The following TRPC5OS variants were observed in gnomAD, a reference collection of about 807,000 sequenced individuals.
The protein encoded by TRPC5OS is putative uncharacterized protein TRPC5OS.
For synonymous variants in TRPC5OS, 30 were observed against 29.3 expected (o/e 1.02, Z -0.08); for missense variants, 64 against 79.3 (o/e 0.81, Z 0.73).
At chrX:111,879,922 T>C (rs1156319762) in intron 1 of TRPC5OS, among the ~76,000 whole-genome samples, 2 of 112,043 alleles carry the variant, frequency 1.8e-5, no homozygotes, top group Non-Finnish European at 3.8e-5. Flanking sequence ...CTCTTCATTT[T>C]TTTTTTTCTC....
chrX:111,898,310 T>C (rs1427919446), intron 3 of TRPC5OS, among the ~76,000 whole-genome samples: 1 of 100,266 alleles, frequency 1.0e-5, no homozygotes, highest in Non-Finnish European at 2.0e-5. Flanking sequence ...CACACACACA[T>C]ATATCTGACA....
Position 111,902,198 on chromosome X carries a change from G to GC in TRPC5OS, c.*18dup. The GC allele has an allele frequency of 1.9e-6, 2 of 1,048,860 alleles. No homozygotes were observed. Among genetic ancestry groups the GC allele is most frequent in the Non-Finnish European group, 2.5e-6 (2 of 801,049 alleles). 86.4% of individuals were successfully genotyped at this position (1,048,860 alleles called of 1,213,427 possible). On this transcript the variant is annotated 3_prime_UTR_variant, in exon 4 of 4. Transcript: ENST00000635763. The stretch of plus-strand genomic sequence containing the variant: ...AACAGGTGACTAAGACCCAATTTCT[G>GC]CCCCCGTCCCCAGGGATGTGAAAAC...
At chrX:111,891,763 C>T (rs1603081683) in intron 1 of TRPC5OS, among the ~76,000 whole-genome samples, 1 of 110,927 alleles carries the variant, frequency 9.0e-6, no homozygotes, top group South Asian at 3.9e-4. Flanking sequence ...TGGCCAGGCT[C>T]GTCTTGAACT....
intron 1 of TRPC5OS, among the ~76,000 whole-genome samples, chrX:111,895,003 T>C (rs185117124): frequency 1.5e-3 from 162 of 111,493 alleles, no homozygotes; most frequent in Middle Eastern, 9.2e-3. Context: ...TCAACATTCT[T>C]GTGCCTGTAT....
rs1258794422 is a variant in TRPC5OS at position 111,902,229 on chromosome X, A to T, written c.*44A>T. ...GTCCCCAGGGATGTGAAAACTGATC[A>T]TTTCTCTGTTTTAATATATTCTTAT... On this transcript the variant is annotated 3_prime_UTR_variant, in exon 4 of 4. Coordinates refer to ENST00000635763, the MANE Select transcript of TRPC5OS (RefSeq NM_001195578.2). 1 of 868,028 alleles carries T rather than the reference A, an allele frequency of 1.2e-6. No homozygotes were observed. The highest frequency in any genetic ancestry group is 2.9e-5 in the South Asian group (1 of 34,588). 71.5% of individuals were successfully genotyped at this position (868,028 alleles called of 1,213,427 possible).
At chrX:111,889,364 A>G (rs1226186718) in intron 1 of TRPC5OS, among the ~76,000 whole-genome samples, 1 of 112,501 alleles carries the variant, frequency 8.9e-6, no homozygotes, top group Non-Finnish European at 1.9e-5. Flanking sequence ...AATATCAGTC[A>G]TAAGAGATGA....
At chrX:111,891,687 C>T (rs1157079126) in intron 1 of TRPC5OS, among the ~76,000 whole-genome samples, 1 of 110,819 alleles carries the variant, frequency 9.0e-6, no homozygotes, top group Non-Finnish European at 1.9e-5. Context: ...ATTACAGGCA[C>T]CCACCACAAC....
At chrX:111,886,695 A>G (rs1924514238) in intron 1 of TRPC5OS, among the ~76,000 whole-genome samples, 1 of 111,854 alleles carries the variant, frequency 8.9e-6, no homozygotes, top group Non-Finnish European at 1.9e-5. Context: ...GAGGCCAAAG[A>G]AAGAGATCAA....
At chrX:111,888,693 C>CAAAAAAAAAAAAAAA (rs753735549) in intron 1 of TRPC5OS, among the ~76,000 whole-genome samples, 7 of 10,973 alleles carry the variant, frequency 6.4e-4, no homozygotes, top group Non-Finnish European at 1.0e-3. Context: ...GACTCTATCT[C>CAAAAAAAAAAAAAAA]AAAAAAAAAA....
intron 1 of TRPC5OS, among the ~76,000 whole-genome samples, chrX:111,891,539 T>C (rs1449617524): frequency 2.7e-5 from 3 of 110,962 alleles, no homozygotes; most frequent in African/African-American, 1.0e-4. Context: ...TTATTTTGTT[T>C]ATTTTATTTT....
At chrX:111,889,496 A>G (rs1924700119) in intron 1 of TRPC5OS, among the ~76,000 whole-genome samples, 1 of 112,198 alleles carries the variant, frequency 8.9e-6, no homozygotes, top group African/African-American at 3.2e-5. Flanking sequence ...TTTCACTTGA[A>G]CAGCATGCTG....
At position 111,903,203 on chromosome X, in the gene TRPC5OS, G is replaced by A. The variant is rs1925442261; in HGVS notation, c.*1018G>A. ...ATTTTATGTGCTTAAGGATTGTTAAGATATAACCCCCGCTCCAAGGAATGG... is the reference window on the plus strand; with the variant it reads ...ATTTTATGTGCTTAAGGATTGTTAAAATATAACCCCCGCTCCAAGGAATGG... On this transcript the variant is annotated 3_prime_UTR_variant, in exon 4 of 4. Coordinates refer to ENST00000635763, the MANE Select transcript of TRPC5OS (RefSeq NM_001195578.2). The A allele has an allele frequency of 8.9e-6, 1 of 111,822 alleles. No individual in the cohort carries two copies. The highest frequency in any genetic ancestry group is 1.9e-5 in the Non-Finnish European group (1 of 53,135). 9.2% of individuals were successfully genotyped at this position (111,822 alleles called of 1,213,427 possible). A position where few individuals can be genotyped will look rare whatever the true frequency, so the allele number is the denominator to read the frequency against.
In TRPC5OS at chrX:111,876,250, G is replaced by A. The variant is rs917465701; in HGVS notation, c.-569G>A. 1 of 110,714 alleles carries A rather than the reference G, an allele frequency of 9.0e-6. No homozygotes were observed. Among genetic ancestry groups the A allele is most frequent in the African/African-American group, 3.3e-5 (1 of 30,406 alleles). 9.1% of individuals were successfully genotyped at this position (110,714 alleles called of 1,213,427 possible). A position where few individuals can be genotyped will look rare whatever the true frequency, so the allele number is the denominator to read the frequency against. On this transcript the variant is annotated 5_prime_UTR_variant, in exon 1 of 4. Transcript: ENST00000635763. The stretch of plus-strand genomic sequence containing the variant: ...AGCCATCTTTTTCTAATATCTCTGT[G>A]AAGGTCAACCCCTGACTCCTAAGGT...
At chrX:111,877,176 C>T (rs1923988442) in intron 1 of TRPC5OS, among the ~76,000 whole-genome samples, 1 of 111,271 alleles carries the variant, frequency 9.0e-6, no homozygotes, top group African/African-American at 3.3e-5. Flanking sequence ...TAATAAAGAC[C>T]TGAATTAGAG....
chrX:111,893,243 A>C (rs9969972), intron 1 of TRPC5OS, among the ~76,000 whole-genome samples: 13,443 of 110,345 alleles, frequency 0.12, 1,319 homozygotes, highest in African/African-American at 0.33. Flanking sequence ...GTTACCTCCA[A>C]GTTCTGTTTT....
chrX:111,878,348 A>C (rs1453867105), intron 1 of TRPC5OS, among the ~76,000 whole-genome samples: 1 of 111,534 alleles, frequency 9.0e-6, no homozygotes, highest in Non-Finnish European at 1.9e-5. Flanking sequence ...GATATACTGC[A>C]TTATTTCCTG....
At chrX:111,878,723 G>A (rs989993633) in intron 1 of TRPC5OS, among the ~76,000 whole-genome samples, 2 of 111,295 alleles carry the variant, frequency 1.8e-5, no homozygotes, top group African/African-American at 6.5e-5. Context: ...GGTGGAGAGG[G>A]AAATCAGTCA....
chrX:111,881,625 A>G (rs1341025525), intron 1 of TRPC5OS, among the ~76,000 whole-genome samples: 1 of 111,389 alleles, frequency 9.0e-6, no homozygotes, highest in African/African-American at 3.3e-5. Flanking sequence ...GGGGGTGTCA[A>G]TTCAGGGTTT....
At chrX:111,884,496 C>G (rs1393029549) in intron 1 of TRPC5OS, among the ~76,000 whole-genome samples, 1 of 112,786 alleles carries the variant, frequency 8.9e-6, no homozygotes. Flanking sequence ...CCAGTTTAAA[C>G]CTAGCCATCC....
Sources: gnomAD v4.1 joint callset for allele counts (sites outside exome capture counted in the v4.1 genomes callset) on GRCh38, gnomAD v4.1.1 for gene constraint, MANE v1.5 for transcripts, NCBI Gene and HGNC (gene_info 2026-07-23, HGNC 2026-07-21) for gene names.